Variants in NTNG1 observed in about 807,000 individuals in gnomAD.
NTNG1 encodes netrin-G1.
NTNG1 carries 16 observed loss-of-function variants against 54.0 expected under a neutral mutation model. The ratio of observed to expected loss-of-function variants is 0.30; its 90% CI spans 0.20 to 0.45. NTNG1 has a LOEUF of 0.45. Among genes scored for constraint, NTNG1 ranks in the 20% least tolerant of loss-of-function variants. The pLI is 1.00. For synonymous variants in NTNG1, 255 were observed against 263.1 expected, an observed-to-expected ratio of 0.97 and a Z score of 0.30; for missense variants, 530 against 678.7, an observed-to-expected ratio of 0.78 and a Z score of 2.43.
intron 2 of NTNG1, among the ~76,000 whole-genome samples, chr1:107,173,145 T>G (rs1282624012): frequency 3.3e-5 from 5 of 152,182 alleles, no homozygotes; most frequent in Non-Finnish European, 5.9e-5. Context: ...CAAAGAATCA[T>G]GTAGTAGTGT....
chr1:107,462,533 CTATT>C (rs764102276), intron 7 of NTNG1, among the ~76,000 whole-genome samples: 17 of 152,180 alleles, frequency 1.1e-4, no homozygotes, highest in Non-Finnish European at 2.1e-4. Context: ...GCTTTTGTTA[CTATT>C]ATTATCCTGT....
intron 7 of NTNG1, among the ~76,000 whole-genome samples, chr1:107,462,508 A>G (rs1571014414): frequency 6.6e-6 from 1 of 152,224 alleles, no homozygotes; most frequent in South Asian, 2.1e-4. Flanking sequence ...CCAAGTCCTC[A>G]ATAAATAGAT....
At chr1:107,323,813 T>G (rs1667792202) in intron 2 of NTNG1, among the ~76,000 whole-genome samples, 1 of 152,072 alleles carries the variant, frequency 6.6e-6, no homozygotes, top group Non-Finnish European at 1.5e-5. Context: ...GGGGGTATTG[T>G]CTCCCCTACA....
chr1:107,256,225 T>C (rs941731013), intron 2 of NTNG1, among the ~76,000 whole-genome samples: 3 of 152,220 alleles, frequency 2.0e-5, no homozygotes, highest in Non-Finnish European at 4.4e-5. Context: ...TTTCCTCTTA[T>C]GGGCCATGAG....
intron 2 of NTNG1, among the ~76,000 whole-genome samples, chr1:107,208,546 G>A (rs984237535): frequency 1.3e-5 from 2 of 151,798 alleles, no homozygotes; most frequent in African/African-American, 2.4e-5. Context: ...ACACACCTAC[G>A]CCCCATGTCT....
intron 2 of NTNG1, among the ~76,000 whole-genome samples, chr1:107,223,338 T>C (rs552695520): frequency 6.6e-6 from 1 of 152,102 alleles, no homozygotes; most frequent in South Asian, 2.1e-4. Flanking sequence ...TGGTATCCCA[T>C]GTGGTATGAC....
In NTNG1 at chr1:107,481,005, C is replaced by A; in HGVS notation, c.*165C>A. ...CTAAGCCATATTTATCACCCGTGGA[C>A]AGCACATCCGAGTCAAGACTGTTAA... On this transcript the variant is annotated 3_prime_UTR_variant, in exon 8 of 8. Coordinates refer to ENST00000370068, the MANE Select transcript of NTNG1 (RefSeq NM_001113226.3). 1 of 592,458 alleles carries A rather than the reference C, an allele frequency of 1.7e-6. No homozygotes were observed. Among genetic ancestry groups the A allele is most frequent in the Non-Finnish European group, 3.0e-6 (1 of 333,500 alleles). The allele number at this position is 592,458 out of a possible 1,614,324, so 36.7% of individuals were successfully genotyped here. A position where few individuals can be genotyped will look rare whatever the true frequency, so the allele number is the denominator to read the frequency against.
At position 107,289,065 on chromosome 1, in the gene NTNG1, C is replaced by T. The variant is rs1665405371; in HGVS notation, c.247-35217C>T. 2.6e-5 allele frequency among the ~76,000 whole-genome samples: 4 copies of T among 152,154 alleles called. No homozygotes were observed. In the South Asian group the frequency reaches 8.3e-4, roughly 32 times the overall value. On this transcript the variant is annotated intron_variant, in intron 2 of 7. Coordinates refer to ENST00000370068, the MANE Select transcript of NTNG1 (RefSeq NM_001113226.3). ...CCTCCTAACTCCTCCTCCAGCTTCTCTTTATTCTTGTCAGTCTACTTCAGT... is the reference window on the plus strand; with the variant it reads ...CCTCCTAACTCCTCCTCCAGCTTCTTTTTATTCTTGTCAGTCTACTTCAGT...
chr1:107,337,380 A>T (rs185075083), intron 3 of NTNG1, among the ~76,000 whole-genome samples: 1 of 152,072 alleles, frequency 6.6e-6, no homozygotes, highest in South Asian at 2.1e-4. Context: ...ATGTTACATG[A>T]TATGCAACTT....
chr1:107,261,456 A>C (rs1663318989), intron 2 of NTNG1, among the ~76,000 whole-genome samples: 1 of 148,348 alleles, frequency 6.7e-6, no homozygotes, highest in South Asian at 2.1e-4. Context: ...ACAGGATTTA[A>C]AAAAAAAAAG....
rs956889778 is a variant in NTNG1, at chr1:107,395,092, G to A, written c.888-62G>A. The stretch of plus-strand genomic sequence containing the variant: ...TGGTTTGAGGAGACAAATCAGGGAA[G>A]CCTCAGTGGTCACCAAGACCAACTT... On this transcript the variant is annotated intron_variant, in intron 3 of 7. Coordinates refer to ENST00000370068, the MANE Select transcript of NTNG1 (RefSeq NM_001113226.3). 59 of 1,325,466 alleles carry A rather than the reference G, an allele frequency of 4.5e-5. No individual in the cohort carries two copies. The Middle Eastern group carries it at 1.1e-3, about 25-fold the overall frequency. The allele number at this position is 1,325,466 out of a possible 1,614,324, so 82.1% of individuals were successfully genotyped here.
intron 2 of NTNG1, among the ~76,000 whole-genome samples, chr1:107,218,417 T>C (rs1227954427): frequency 2.0e-5 from 3 of 152,196 alleles, no homozygotes; most frequent in Non-Finnish European, 4.4e-5. Context: ...CCATTCTGTA[T>C]CTTTTAAATG....
At chr1:107,437,878 A>G (rs991711158) in intron 7 of NTNG1, among the ~76,000 whole-genome samples, 28 of 152,172 alleles carry the variant, frequency 1.8e-4, no homozygotes, top group African/African-American at 6.5e-4. Flanking sequence ...TAATAGCCAC[A>G]TGTGTCTACC....
At chr1:107,285,357 A>G (rs1264601322) in intron 2 of NTNG1, among the ~76,000 whole-genome samples, 4 of 152,164 alleles carry the variant, frequency 2.6e-5, no homozygotes, top group African/African-American at 9.6e-5. Context: ...ATGAACAGCT[A>G]AACAGCCTAA....
At chr1:107,418,050 T>G (rs913996928) in intron 5 of NTNG1, among the ~76,000 whole-genome samples, 2 of 152,058 alleles carry the variant, frequency 1.3e-5, no homozygotes, top group Non-Finnish European at 2.9e-5. Context: ...CCACCAGTTT[T>G]CCCTCTTTCC....
At chr1:107,310,076 G>A (rs1175865397) in intron 2 of NTNG1, among the ~76,000 whole-genome samples, 2 of 152,082 alleles carry the variant, frequency 1.3e-5, no homozygotes, top group African/African-American at 4.8e-5. Flanking sequence ...AACCATAAGG[G>A]TGTTGAATGG....
chr1:107,335,549 A>G (rs1359624535), intron 3 of NTNG1, among the ~76,000 whole-genome samples: 1 of 151,952 alleles, frequency 6.6e-6, no homozygotes, highest in Admixed American at 6.6e-5. Flanking sequence ...TAAAAATATT[A>G]ATAGCGTGAG....
At chr1:107,452,986 A>G (rs933207139) in intron 7 of NTNG1, among the ~76,000 whole-genome samples, 3 of 152,124 alleles carry the variant, frequency 2.0e-5, no homozygotes, top group African/African-American at 7.2e-5. Context: ...ACTAACTTCT[A>G]GAGAGTGCCT....
chr1:107,414,745 T>C (rs112009030), intron 5 of NTNG1, among the ~76,000 whole-genome samples: 1,621 of 152,276 alleles, frequency 0.011, 28 homozygotes, highest in African/African-American at 0.036. Flanking sequence ...CTCACTATGA[T>C]GCCAAGCAAA....
Sources: allele counts gnomAD v4.1 joint callset (sites outside exome capture counted in the v4.1 genomes callset), GRCh38; gene constraint gnomAD v4.1.1; transcripts MANE v1.5; gene names NCBI Gene and HGNC (gene_info 2026-07-23, HGNC 2026-07-21).